The following DOP1B variants were observed in gnomAD, a reference collection of about 807,000 sequenced individuals.
The protein encoded by DOP1B is protein DOP1B.
DOP1B carries 174 observed loss-of-function variants against 233.5 expected under a neutral mutation model. That is an observed-to-expected ratio of 0.75 (90% CI 0.66 to 0.85). DOP1B has a LOEUF of 0.85. DOP1B is among the 40% of genes least tolerant of loss of function. The pLI is 0.00. For missense variants in DOP1B, 2,652 were observed against 2,846.6 expected (o/e 0.93, Z 1.56); for synonymous variants, 1,190 against 1,185.6 (o/e 1.00, Z -0.08).
intron 2 of DOP1B, among the ~76,000 whole-genome samples, chr21:36,196,016 T>G (rs2066286748): frequency 6.6e-6 from 1 of 152,266 alleles, no homozygotes; most frequent in Non-Finnish European, 1.5e-5. Context: ...GCCCCAAGTA[T>G]GTCACGTTGC....
chr21:36,260,383 G>T (rs1569057706), intron 23 of DOP1B, among the ~76,000 whole-genome samples: 1 of 152,092 alleles, frequency 6.6e-6, no homozygotes, highest in African/African-American at 2.4e-5. Flanking sequence ...GGGAAGTTCG[G>T]TTACAGTGCC....
At chr21:36,233,916 C>G (rs188839508) in intron 15 of DOP1B, among the ~76,000 whole-genome samples, 74 of 152,112 alleles carry the variant, frequency 4.9e-4, no homozygotes, top group African/African-American at 1.7e-3. Flanking sequence ...TGCAGTGGCA[C>G]GATCTCGGCT....
At chr21:36,195,557 T>A (rs2066281909) in intron 2 of DOP1B, among the ~76,000 whole-genome samples, 2 of 152,090 alleles carry the variant, frequency 1.3e-5, no homozygotes, top group African/African-American at 2.4e-5. Flanking sequence ...ATGATAAACA[T>A]GGTCAACATA....
rs149217323 is a variant in DOP1B at position 36,291,362 on chromosome 21, C to T, written c.6516-742C>T. ...GATCACGAGGTCAGGAGTTCAAGACCAGCCTGGCCAAGATGGTGAAACCCC... is the reference window on the plus strand; with the variant it reads ...GATCACGAGGTCAGGAGTTCAAGACTAGCCTGGCCAAGATGGTGAAACCCC... On this transcript the variant is annotated intron_variant, in intron 35 of 36. Transcript: ENST00000691173. 7.0e-3 allele frequency among the ~76,000 whole-genome samples: 1,062 copies of T among 152,080 alleles called. 10 individuals are homozygous for T. The highest frequency in any genetic ancestry group is 0.025 in the African/African-American group (1,034 of 41,514).
At chr21:36,251,310 G>A (rs1395825639) in intron 22 of DOP1B, 26 bp downstream of exon 22, 1 of 1,597,012 alleles carries the variant, frequency 6.3e-7, no homozygotes. Context: ...TTACAGGAGT[G>A]GTTAAACTTA....
In DOP1B at chr21:36,211,963, C is replaced by G; in HGVS notation, c.781-11C>G. The G allele has an allele frequency of 6.2e-7, 1 of 1,613,790 alleles. No individual in the cohort carries two copies. The highest frequency in any genetic ancestry group is 1.3e-5 in the African/African-American group (1 of 75,032). ...ATTCCCTTGCAGTAAATTTCTCTGT[C>G]CTTCTAATAGGATTCCAATGAGAGA... On this transcript the variant is annotated splice_polypyrimidine_tract_variant and intron_variant, in intron 6 of 36. Transcript: ENST00000691173.
At chr21:36,185,524 G>A (rs1455690079) in intron 2 of DOP1B, among the ~76,000 whole-genome samples, 1 of 152,168 alleles carries the variant, frequency 6.6e-6, no homozygotes, top group Admixed American at 6.6e-5. Flanking sequence ...TTCTACTGAT[G>A]AAGAAACTGG....
At chr21:36,169,724 A>G (rs2065953774) in intron 2 of DOP1B, 4 of 1,001,786 alleles carry the variant, frequency 4.0e-6, no homozygotes, top group Admixed American at 3.4e-5. Flanking sequence ...GTGCTTCCTC[A>G]TGCTGCTGAA....
At chr21:36,237,512 G>A in intron 16 of DOP1B, 98 bp downstream of exon 16, 1 of 1,450,038 alleles carries the variant, frequency 6.9e-7, no homozygotes, top group African/African-American at 1.4e-5. Context: ...AGTCTTTCTG[G>A]GGCTGAGTGG....
intron 2 of DOP1B, among the ~76,000 whole-genome samples, chr21:36,176,371 A>G (rs1223414098): frequency 1.3e-5 from 2 of 152,222 alleles, no homozygotes; most frequent in East Asian, 3.9e-4. Flanking sequence ...CAGTGCCTAG[A>G]ACAAGGCTAC....
At chr21:36,290,246 C>T (rs1004329877) in intron 35 of DOP1B, among the ~76,000 whole-genome samples, 5 of 152,198 alleles carry the variant, frequency 3.3e-5, no homozygotes, top group East Asian at 1.9e-4. Flanking sequence ...AGGTTTGGGC[C>T]GGACGTGGTG....
At chr21:36,157,954 TC>T (rs1360816378) in intron 1 of DOP1B, among the ~76,000 whole-genome samples, 2 of 152,080 alleles carry the variant, frequency 1.3e-5, no homozygotes, top group Non-Finnish European at 2.9e-5. Flanking sequence ...TTTTTCTTTT[TC>T]TAAATTATTA....
At position 36,225,658 on chromosome 21, in the gene DOP1B, C is replaced by G; in HGVS notation, c.1464C>G (p.Val488=). The G allele has an allele frequency of 5.0e-6, 8 of 1,614,140 alleles. No homozygotes were observed. Among genetic ancestry groups the G allele is most frequent in the Non-Finnish European group, 6.8e-6 (8 of 1,180,020 alleles). The change falls in exon 12 of 37, where the codon GTC becomes GTG. Residue 488 remains valine, a synonymous_variant. Transcript: ENST00000691173. ...LCALLVFLLD[V]IPLELYSEVQ... ...CCCTCCTGGTCTTCCTGCTGGATGT[C>G]ATTCCTTTGGTGAGTGCTGGGGAAG... is the stretch of plus-strand genomic sequence containing the variant.
chr21:36,248,934 A>G (rs894945441), intron 21 of DOP1B, among the ~76,000 whole-genome samples: 4 of 151,778 alleles, frequency 2.6e-5, no homozygotes, highest in Non-Finnish European at 5.9e-5. Context: ...GTGAAACCCC[A>G]TCTCTACTAA....
At chr21:36,180,503 A>G (rs766150095) in intron 2 of DOP1B, among the ~76,000 whole-genome samples, 12 of 152,056 alleles carry the variant, frequency 7.9e-5, no homozygotes, top group Non-Finnish European at 1.6e-4. Flanking sequence ...CCCAGGAGGC[A>G]GAGGTCACAG....
intron 26 of DOP1B, among the ~76,000 whole-genome samples, chr21:36,266,402 G>A (rs1266263926): frequency 3.3e-5 from 5 of 152,028 alleles, no homozygotes; most frequent in Admixed American, 1.3e-4. Context: ...TCTCGAACTC[G>A]TGACCTCGTG....
chr21:36,193,342 G>A (rs779653977), intron 2 of DOP1B, among the ~76,000 whole-genome samples: 3 of 152,128 alleles, frequency 2.0e-5, no homozygotes, highest in African/African-American at 4.8e-5. Context: ...GACTGGATGC[G>A]GGCTGTGATG....
intron 4 of DOP1B, among the ~76,000 whole-genome samples, chr21:36,200,839 GAAA>G (rs67599618): frequency 1.5e-5 from 2 of 134,318 alleles, no homozygotes; most frequent in South Asian, 2.4e-4. Context: ...ACTCTGTCTC[GAAA>G]AAAAAAAAAA....
chr21:36,245,214 C>T lies in DOP1B; in HGVS notation c.3234C>T (p.Tyr1078=), dbSNP rs1481547396. The T allele has an allele frequency of 6.2e-7, 1 of 1,613,946 alleles. No individual in the cohort carries two copies. Among genetic ancestry groups the T allele is most frequent in the Non-Finnish European group, 8.5e-7 (1 of 1,180,046 alleles). Residue 1078 remains tyrosine, a synonymous_variant, in exon 19 of 37, where the codon TAC becomes TAT. Transcript: ENST00000691173. The surrounding 1 kb of genome is among the most constrained non-coding windows in gnomAD (Gnocchi z 5.5). ...WAEVEKEPEK[Y]PLRGELSEEE... ...AAGTGGAGAAGGAGCCCGAGAAGTA[C>T]CCGCTGCGAGGCGAGCTGAGCGAGG...
Sources: gnomAD v4.1 joint callset for allele counts (sites outside exome capture counted in the v4.1 genomes callset) on GRCh38, gnomAD v4.1.1 for gene constraint, Gnocchi (gnomAD v3.1) non-coding constraint, MANE v1.5 for transcripts, NCBI Gene and HGNC (gene_info 2026-07-23, HGNC 2026-07-21) for gene names.